CNTNAP5: variants seen among roughly 807,000 people sequenced by gnomAD.
CNTNAP5 encodes contactin-associated protein-like 5.
Under a neutral mutation model 150.2 loss-of-function variants are expected in CNTNAP5, and 72 were observed. The ratio of observed to expected loss-of-function variants is 0.48; its 90% CI spans 0.40 to 0.58. CNTNAP5 has a LOEUF of 0.58. CNTNAP5 is among the 20% of genes least tolerant of loss of function. The pLI is 0.00. For synonymous variants in CNTNAP5, 672 were observed against 619.8 expected (o/e 1.08, Z -1.25); for missense variants, 1,636 against 1,626.2 (o/e 1.01, Z -0.10).
At chr2:124,082,381 T>C (rs78950232) in intron 1 of CNTNAP5, among the ~76,000 whole-genome samples, 10,934 of 143,780 alleles carry the variant, frequency 0.076, 558 homozygotes, top group Non-Finnish European at 0.12. Context: ...AAAGGACTCA[T>C]ACAGAATCCA....
intron 13 of CNTNAP5, among the ~76,000 whole-genome samples, chr2:124,667,303 T>C (rs13385718): frequency 0.25 from 37,746 of 152,184 alleles, 4,940 homozygotes; most frequent in African/African-American, 0.33. Flanking sequence ...GATTGTTTAA[T>C]GTACACGTGT....
chr2:124,893,665 T>C (rs1054488748), intron 21 of CNTNAP5, among the ~76,000 whole-genome samples: 2 of 152,106 alleles, frequency 1.3e-5, no homozygotes, highest in Non-Finnish European at 2.9e-5. Flanking sequence ...AGAATCAGAA[T>C]GCAGGAGACT....
At chr2:124,894,879 A>T (rs1011256152) in intron 21 of CNTNAP5, among the ~76,000 whole-genome samples, 32 of 151,476 alleles carry the variant, frequency 2.1e-4, no homozygotes, top group Non-Finnish European at 1.9e-4. Context: ...AATGCCAACA[A>T]AGTGATTTTT....
intron 13 of CNTNAP5, among the ~76,000 whole-genome samples, chr2:124,677,208 A>G (rs1031133592): frequency 1.3e-5 from 2 of 152,168 alleles, no homozygotes; most frequent in Non-Finnish European, 2.9e-5. Context: ...GCAGACCTTC[A>G]CAGTGAGTGT....
At chr2:124,604,240 TTATGA>T (rs1697052273) in intron 11 of CNTNAP5, among the ~76,000 whole-genome samples, 1 of 152,234 alleles carries the variant, frequency 6.6e-6, no homozygotes. Context: ...ATTTTATCTT[TTATGA>T]TAAGTAATTT....
intron 13 of CNTNAP5, among the ~76,000 whole-genome samples, chr2:124,730,417 A>T (rs760076253): frequency 1.3e-5 from 2 of 151,954 alleles, no homozygotes; most frequent in African/African-American, 2.4e-5. Flanking sequence ...GAATTACTGA[A>T]CTTATAAAAT....
chr2:124,388,617 C>T (rs1039209696), intron 3 of CNTNAP5, among the ~76,000 whole-genome samples: 1 of 152,178 alleles, frequency 6.6e-6, no homozygotes, highest in Non-Finnish European at 1.5e-5. Flanking sequence ...CATAATCGTG[C>T]GTTCACTTGT....
intron 10 of CNTNAP5, among the ~76,000 whole-genome samples, chr2:124,558,744 C>T (rs942280514): frequency 1.3e-5 from 2 of 152,154 alleles, no homozygotes; most frequent in Non-Finnish European, 2.9e-5. Context: ...TTCAGCCCGG[C>T]CCCAGTTAAA....
intron 11 of CNTNAP5, among the ~76,000 whole-genome samples, chr2:124,567,528 GT>G (rs1696050985): frequency 6.6e-6 from 1 of 152,168 alleles, no homozygotes; most frequent in Admixed American, 6.5e-5. Context: ...AGTTGTTATG[GT>G]TAGAAAATTT....
At chr2:124,294,494 C>T (rs780023) in intron 3 of CNTNAP5, among the ~76,000 whole-genome samples, 20,956 of 151,988 alleles carry the variant, frequency 0.14, 2,005 homozygotes, top group East Asian at 0.33. Flanking sequence ...GAAATCTAGG[C>T]AGTGGAAACC....
intron 12 of CNTNAP5, among the ~76,000 whole-genome samples, chr2:124,615,510 G>A (rs1049605351): frequency 2.0e-5 from 3 of 152,056 alleles, no homozygotes; most frequent in African/African-American, 7.2e-5. Context: ...ACATTTTCAG[G>A]TTCCACTTCT....
chr2:124,443,076 A>G (rs1436142708), intron 5 of CNTNAP5, among the ~76,000 whole-genome samples: 1 of 152,082 alleles, frequency 6.6e-6, no homozygotes, highest in Non-Finnish European at 1.5e-5. Context: ...TTATCTAAGA[A>G]TGAACGCTAC....
At chr2:124,188,873 T>A (rs919384942) in intron 1 of CNTNAP5, among the ~76,000 whole-genome samples, 1 of 152,160 alleles carries the variant, frequency 6.6e-6, no homozygotes, top group African/African-American at 2.4e-5. Flanking sequence ...TCAGACATTC[T>A]GCCATCATGA....
chr2:124,556,685 G>C (rs184947554), intron 10 of CNTNAP5, among the ~76,000 whole-genome samples: 3 of 152,218 alleles, frequency 2.0e-5, no homozygotes, highest in African/African-American at 7.2e-5. Flanking sequence ...AGTCAGGACA[G>C]CTTCTGAAGG....
chr2:124,334,745 C>G (rs1430734946), intron 3 of CNTNAP5, among the ~76,000 whole-genome samples: 1 of 151,944 alleles, frequency 6.6e-6, no homozygotes, highest in Non-Finnish European at 1.5e-5. Flanking sequence ...TGTTGTGACA[C>G]TATTATGTGT....
chr2:124,052,976 T>C (rs1298932356), intron 1 of CNTNAP5, among the ~76,000 whole-genome samples: 1 of 152,168 alleles, frequency 6.6e-6, no homozygotes, highest in East Asian at 1.9e-4. Flanking sequence ...GTTCAGAAAG[T>C]CGTCCAGAAA....
intron 13 of CNTNAP5, among the ~76,000 whole-genome samples, chr2:124,729,403 G>T (rs1018506534): frequency 1.1e-4 from 17 of 151,746 alleles, no homozygotes; most frequent in African/African-American, 4.1e-4. Flanking sequence ...TCTTTGTTAG[G>T]CATCATTCTT....
chr2:124,681,351 G>A (rs561767347), intron 13 of CNTNAP5, among the ~76,000 whole-genome samples: 29 of 151,794 alleles, frequency 1.9e-4, no homozygotes, highest in African/African-American at 6.0e-4. Context: ...GGGCATGGGG[G>A]CATATATTAT....
At chr2:124,502,981 T>C (rs1266478704) in intron 7 of CNTNAP5, among the ~76,000 whole-genome samples, 2 of 152,222 alleles carry the variant, frequency 1.3e-5, no homozygotes, top group Non-Finnish European at 2.9e-5. Context: ...TACGGCATTG[T>C]TGTGCAGAAT....
Sources: gnomAD v4.1 joint callset for allele counts (sites outside exome capture counted in the v4.1 genomes callset) on GRCh38, gnomAD v4.1.1 for gene constraint, MANE v1.5 for transcripts, NCBI Gene and HGNC (gene_info 2026-07-23, HGNC 2026-07-21) for gene names.